The following SRRT variants were observed in gnomAD, a reference collection of about 807,000 sequenced individuals.
SRRT encodes the protein serrate RNA effector molecule homolog.
Under a neutral mutation model 103.2 loss-of-function variants are expected in SRRT, and 32 were observed. The observed-to-expected ratio is 0.31, with a 90% confidence interval of 0.23 to 0.42. SRRT has a LOEUF of 0.42. Among genes scored for constraint, SRRT ranks in the 10% least tolerant of loss-of-function variants. The probability of loss-of-function intolerance (pLI) is 1.00; values close to 1 mark genes in which losing one functional copy is unlikely to be tolerated. For synonymous variants in SRRT, 525 were observed against 449.0 expected, an observed-to-expected ratio of 1.17 and a Z score of -2.14; for missense variants, 986 against 1,207.5, an observed-to-expected ratio of 0.82 and a Z score of 2.72.
rs201308076 is a variant in SRRT at position 100,884,055 on chromosome 7, C to T, written c.588-15C>T. 30 of 1,566,734 alleles carry T rather than the reference C, an allele frequency of 1.9e-5. No individual in the cohort carries two copies. In the East Asian group the frequency reaches 6.8e-4, roughly 35 times the overall value. ...AATAACTGTTTTGTCTTTCCCTCCC[C>T]CGCTTCGTTCCCAGGTTTCGGTCTA... On this transcript the variant is annotated splice_polypyrimidine_tract_variant and intron_variant, in intron 5 of 19. Transcript: ENST00000611405.
chr7:100,881,876 T>A, intron 4 of SRRT, 71 bp downstream of exon 4: 2 of 1,528,046 alleles, frequency 1.3e-6, no homozygotes, highest in Non-Finnish European at 1.7e-6. Flanking sequence ...AGGCCATGGC[T>A]GAAGCCAGGG....
At chr7:100,879,332 T>G (rs1316780581) in intron 2 of SRRT, among the ~76,000 whole-genome samples, 1 of 151,982 alleles carries the variant, frequency 6.6e-6, no homozygotes, top group Non-Finnish European at 1.5e-5. Context: ...ACTCCTGGGC[T>G]CAAGCAATCC....
chr7:100,884,942 G>A lies in SRRT; in HGVS notation c.1061G>A (p.Arg354Gln), dbSNP rs773607407. 8 of 1,614,038 alleles carry A rather than the reference G, an allele frequency of 5.0e-6. No homozygotes were observed. The highest frequency in any genetic ancestry group is 2.2e-5 in the East Asian group (1 of 44,874). The change falls in exon 9 of 20, where the codon CGG becomes CAG. Residue 354 changes from arginine to glutamine, a missense_variant. Coordinates refer to ENST00000611405, the MANE Select transcript of SRRT (RefSeq NM_015908.6). ...EAKKSSKKRNRKHSGDDSFDE... is the reference protein window; with the variant it reads ...EAKKSSKKRNQKHSGDDSFDE... ...ACACAGAGTAGCAAGAAGCGGAACC[G>A]GAAGCACAGTGGTGACGACAGCTTT... is the stretch of plus-strand genomic sequence containing the variant.
chr7:100,881,519 C>A, intron 3 of SRRT, 106 bp downstream of exon 3: 1 of 1,560,632 alleles, frequency 6.4e-7, no homozygotes. Context: ...CTTTTCTCAA[C>A]TTCCCATCAC....
chr7:100,875,322 C>A lies in SRRT; in HGVS notation c.-25C>A, dbSNP rs1815561098. 17 of 1,182,206 alleles carry A rather than the reference C, an allele frequency of 1.4e-5. No individual in the cohort carries two copies. The highest frequency in any genetic ancestry group is 1.8e-5 in the Non-Finnish European group (17 of 929,336). 73.2% of individuals were successfully genotyped at this position (1,182,206 alleles called of 1,614,324 possible). ...AGCGCGAGTCCAACGGCCGCGGCCG[C>A]ACCAAGGTGGGGGAGGGGAGGAGCC... On this transcript the variant is annotated 5_prime_UTR_variant, in exon 1 of 20. Transcript: ENST00000611405.
rs373668899 is a variant in SRRT, at chr7:100,884,502, G to A, written c.892G>A (p.Gly298Arg). Residue 298 changes from glycine to arginine, a missense_variant, in exon 7 of 20, where the codon GGG becomes AGG. Physicochemically the swap from Gly to Arg is moderately radical, Grantham distance 125. Around this residue, in one of 6 missense-constraint regions of SRRT, gnomAD observed 166 missense variants for 148.6 expected, o/e 1.12. Coordinates refer to ENST00000611405, the MANE Select transcript of SRRT (RefSeq NM_015908.6). ...EGRAGAGLGD[G>R]ERKTNDKDEK... ...ACGGGCTGGAGCAGGCCTAGGGGAC[G>A]GGGAGCGCAAAACCAACGACAAGGA... 6.2e-6 allele frequency: 10 copies of A among 1,613,610 alleles called. No homozygotes were observed. The highest frequency in any genetic ancestry group is 1.7e-5 in the Admixed American group (1 of 59,956).
chr7:100,882,439 C>T lies in SRRT; in HGVS notation c.587+198C>T, dbSNP rs1584744362. The T allele has an allele frequency of 2.1e-5, 12 of 577,280 alleles. No individual in the cohort carries two copies. In the East Asian group the frequency reaches 3.8e-4, roughly 18 times the overall value. The allele number at this position is 577,280 out of a possible 1,614,324, so 35.8% of individuals were successfully genotyped here. On this transcript the variant is annotated intron_variant, in intron 5 of 19. Transcript: ENST00000611405. The surrounding 1 kb of genome is among the most constrained non-coding windows in gnomAD (Gnocchi z 4.2). ...CCACGGCCCCCGCCCCGCCCTGTCT[C>T]CTGTCCTGCTGTCCTCAGAGAGTGG...
At chr7:100,878,953 TTTCTTTCTTTCA>T (rs892654086) in intron 2 of SRRT, among the ~76,000 whole-genome samples, 27 of 151,984 alleles carry the variant, frequency 1.8e-4, no homozygotes, top group African/African-American at 6.3e-4. Flanking sequence ...CTTTCTTTTC[TTTCTTTCTTTCA>T]TTCTTTCTTT....
chr7:100,885,743 G>C lies in SRRT; in HGVS notation c.1360G>C (p.Glu454Gln). The C allele has an allele frequency of 6.2e-7, 1 of 1,614,100 alleles. No homozygotes were observed. The highest frequency in any genetic ancestry group is 8.5e-7 in the Non-Finnish European group (1 of 1,179,990). The change falls in exon 11 of 20, where the codon GAG becomes CAG. Residue 454 changes from glutamate (E) to glutamine (Q), a missense_variant. Coordinates refer to ENST00000611405, the MANE Select transcript of SRRT (RefSeq NM_015908.6). This position sits in a 1 kb window ranked among gnomAD's most constrained non-coding sequence, Gnocchi z 4.8. ...AGGCTTTATGCGGGTGGCGCTCTCA[G>C]AGCCCCAGCCAGAGAGGAGGTGAGT... is the stretch of plus-strand genomic sequence containing the variant. ...YPGFMRVALSEPQPERRFFRR... is the reference protein window; with the variant it reads ...YPGFMRVALSQPQPERRFFRR...
chr7:100,887,682 C>T lies in SRRT; in HGVS notation c.2170-21C>T, dbSNP rs201504096. 3.4e-3 allele frequency: 5,361 copies of T among 1,599,032 alleles called. 15 individuals are homozygous for T. Among genetic ancestry groups the T allele is most frequent in the Non-Finnish European group, 4.4e-3 (5,146 of 1,167,996 alleles). The stretch of plus-strand genomic sequence containing the variant: ...GCAACCCTTATGTGGCTGTCCTGAC[C>T]CCTCTCCTCTCTCCACCCAGGGTCC... On this transcript the variant is annotated intron_variant, in intron 16 of 19. Transcript: ENST00000611405. This position sits in a 1 kb window ranked among gnomAD's most constrained non-coding sequence, Gnocchi z 4.1.
Position 100,881,677 on chromosome 7 carries a change from CCCATA to C in SRRT, c.274_278del (p.Tyr92GlnfsTer4). The C allele has an allele frequency of 1.2e-6, 2 of 1,614,086 alleles. No homozygotes were observed. Among genetic ancestry groups the C allele is most frequent in the Non-Finnish European group, 1.7e-6 (2 of 1,180,028 alleles). ...CCTTCAGGGATGAGCACAGCTCTGA[CCCATA>C]CCACAGTGGCTATGAGATGCCCTAT... On this transcript the variant is annotated frameshift_variant, in exon 4 of 20. Coordinates refer to ENST00000611405, the MANE Select transcript of SRRT (RefSeq NM_015908.6). LOFTEE classifies it high-confidence loss of function.
At position 100,887,196 on chromosome 7, in the gene SRRT, G is replaced by T. The variant is rs1053676773; in HGVS notation, c.1971G>T (p.Gly657=). Reference sequence around the variant, plus strand: ...TGCCACCCAACCGCATCAGTCACGGGGAAGGTGAGCTCCAGGTTCCCCTTT... The same window carrying T: ...TGCCACCCAACCGCATCAGTCACGGTGAAGGTGAGCTCCAGGTTCCCCTTT... The part of the protein sequence containing the change: ...GPMPPNRISH[G]EVLEWQKTFE... The change falls in exon 15 of 20, where the codon GGG becomes GGT. Residue 657 remains glycine (G), a synonymous_variant. Transcript: ENST00000611405. This position sits in a 1 kb window ranked among gnomAD's most constrained non-coding sequence, Gnocchi z 4.1. The T allele has an allele frequency of 6.2e-7, 1 of 1,614,044 alleles. No individual in the cohort carries two copies.
rs749243764 is a variant in SRRT, at chr7:100,884,803, G to C, written c.1006G>C (p.Glu336Gln). Residue 336 changes from glutamate (E) to glutamine (Q), a missense_variant, in exon 8 of 20, where the codon GAG (glutamate) becomes CAG (glutamine). Transcript: ENST00000611405. ...KKSEGDGDKE[E>Q]KKEDSEKEAK... is the part of the protein sequence containing the mutation. ...GTCGGAGGGTGATGGGGACAAGGAA[G>C]AGAAGAAAGAAGACTCCGAGAAGGA... 6.2e-7 allele frequency: 1 copy of C among 1,614,152 alleles called. No individual in the cohort carries two copies. The highest frequency in any genetic ancestry group is 8.5e-7 in the Non-Finnish European group (1 of 1,180,032).
chr7:100,886,848 G>T lies in SRRT; in HGVS notation c.1701G>T (p.Glu567Asp). 1 of 1,614,200 alleles carries T rather than the reference G, an allele frequency of 6.2e-7. No individual in the cohort carries two copies. The highest frequency in any genetic ancestry group is 8.5e-7 in the Non-Finnish European group (1 of 1,180,044). ...ILKNITDYLIEEVSAEEEELL... is the reference protein window; with the variant it reads ...ILKNITDYLIDEVSAEEEELL... ...AGAATATCACCGACTACCTGATCGA[G>T]GAAGTAAGCGCCGAGGAGGAGGAGC... Residue 567 changes from glutamate (E) to aspartate (D), a missense_variant, in exon 14 of 20, where the codon GAG (glutamate) becomes GAT (aspartate). Glu to Asp is a conservative substitution (Grantham distance 45). This residue lies in a region of SRRT where 349 missense variants were observed against 446.9 expected (regional missense o/e 0.78). Transcript: ENST00000611405.
In SRRT at chr7:100,882,343, C is replaced by T. The variant is rs990299955; in HGVS notation, c.587+102C>T. On this transcript the variant is annotated intron_variant, in intron 5 of 19. Coordinates refer to ENST00000611405, the MANE Select transcript of SRRT (RefSeq NM_015908.6). The surrounding 1 kb of genome is among the most constrained non-coding windows in gnomAD (Gnocchi z 4.2). Reference sequence around the variant, plus strand: ...TCTTCCCAGTTTTCCCTGTCCAGAACTTTCTGGGGGCGGGGGTCGGGAAGT... The same window carrying T: ...TCTTCCCAGTTTTCCCTGTCCAGAATTTTCTGGGGGCGGGGGTCGGGAAGT... 1.5e-6 allele frequency: 2 copies of T among 1,354,332 alleles called. No individual in the cohort carries two copies. Among genetic ancestry groups the T allele is most frequent in the African/African-American group, 2.9e-5 (2 of 68,048 alleles). 83.9% of individuals were successfully genotyped at this position (1,354,332 alleles called of 1,614,324 possible). A position where few individuals can be genotyped will look rare whatever the true frequency, so the allele number is the denominator to read the frequency against.
At chr7:100,881,081 T>C (rs958824070) in intron 2 of SRRT, among the ~76,000 whole-genome samples, 2 of 150,972 alleles carry the variant, frequency 1.3e-5, no homozygotes, top group Non-Finnish European at 2.9e-5. Context: ...TATCCAGCTG[T>C]ATCTTTAATT....
chr7:100,882,037 C>A lies in SRRT; in HGVS notation c.399-16C>A. The A allele has an allele frequency of 6.2e-7, 1 of 1,606,208 alleles. No individual in the cohort carries two copies. Among genetic ancestry groups the A allele is most frequent in the East Asian group, 2.2e-5 (1 of 44,816 alleles). On this transcript the variant is annotated splice_polypyrimidine_tract_variant and intron_variant, in intron 4 of 19. Transcript: ENST00000611405. The surrounding 1 kb of genome is among the most constrained non-coding windows in gnomAD (Gnocchi z 4.2). ...TTCCCCAAAAACCAAGCCTTCCTGACCGGGGTCCCCTCCAGGCTGGGCAGC... is the reference window on the plus strand; with the variant it reads ...TTCCCCAAAAACCAAGCCTTCCTGAACGGGGTCCCCTCCAGGCTGGGCAGC...
At chr7:100,881,965 C>T in intron 4 of SRRT, 88 bp from the exon 5 acceptor site, 1 of 1,506,942 alleles carries the variant, frequency 6.6e-7, no homozygotes, top group East Asian at 2.3e-5. Flanking sequence ...CCATGGTGGA[C>T]AAAGTAAAGG....
At chr7:100,875,551 A>T (rs758168201) in intron 1 of SRRT, 22 bp from the exon 2 acceptor site, 3 of 1,611,744 alleles carry the variant, frequency 1.9e-6, no homozygotes, top group East Asian at 2.2e-5. Flanking sequence ...CACCACTCCT[A>T]CCGCCTCTCC....
Sources: gnomAD v4.1 joint callset for allele counts (sites outside exome capture counted in the v4.1 genomes callset) on GRCh38, gnomAD v4.1.1 for gene constraint, gnomAD v4.1.1 regional missense constraint, Gnocchi (gnomAD v3.1) non-coding constraint, MANE v1.5 for transcripts, NCBI Gene and HGNC (gene_info 2026-07-23, HGNC 2026-07-21) for gene names.